The following NEBL variants were observed in gnomAD, a reference collection of about 807,000 sequenced individuals.
NEBL encodes the protein nebulette.
NEBL carries 122 observed loss-of-function variants against 140.2 expected under a neutral mutation model. The observed-to-expected ratio is 0.87, with a 90% CI of 0.75 to 1.01. NEBL has a LOEUF of 1.01. Ranked by LOEUF, NEBL falls within the 50% of genes least tolerant of loss-of-function variation. NEBL has a pLI of 0.00. For synonymous variants in NEBL, 436 were observed against 398.9 expected, an observed-to-expected ratio of 1.09 and a Z score of -1.11; for missense variants, 1,365 against 1,231.3, an observed-to-expected ratio of 1.11 and a Z score of -1.62.
At chr10:21,089,538 G>A (rs1564507297) in intron 2 of NEBL, among the ~76,000 whole-genome samples, 1 of 152,054 alleles carries the variant, frequency 6.6e-6, no homozygotes, top group East Asian at 1.9e-4. Flanking sequence ...GAAGCTGAGG[G>A]CAGAGAGACC....
At chr10:21,239,450 C>G (rs887348930) in intron 3 of NEBL, among the ~76,000 whole-genome samples, 1 of 152,128 alleles carries the variant, frequency 6.6e-6, no homozygotes, top group Admixed American at 6.6e-5. Context: ...TCTGCACCCC[C>G]ACATCCCATT....
intron 24 of NEBL, 44 bp from the exon 25 acceptor site, chr10:20,809,942 T>C: frequency 2.4e-6 from 2 of 824,322 alleles, no homozygotes; most frequent in East Asian, 3.3e-5. Context: ...AGAAGGAATT[T>C]AAAAAAGGAA....
rs537842779 is a variant in NEBL at position 20,805,428 on chromosome 10, T to C, written c.2761+3082A>G. On this transcript the variant is annotated intron_variant, in intron 26 of 27. Coordinates refer to ENST00000377122, the MANE Select transcript of NEBL (RefSeq NM_006393.3). Reference sequence around the variant, plus strand: ...ACTTGTGTTTATGTTATACAACTTATTGGTACATCTTGACTTTTGCTTCAT... The same window carrying C: ...ACTTGTGTTTATGTTATACAACTTACTGGTACATCTTGACTTTTGCTTCAT... Among the ~76,000 whole-genome samples the C allele has an allele frequency of 1.7e-4, 26 of 152,328 alleles. No homozygotes were observed. The East Asian group carries it at 4.8e-3, about 28-fold the overall frequency.
intron 1 of NEBL, among the ~76,000 whole-genome samples, chr10:21,260,147 G>T (rs1052683343): frequency 2.6e-5 from 4 of 152,222 alleles, no homozygotes; most frequent in African/African-American, 9.6e-5. Flanking sequence ...TGAAACTGAA[G>T]CATTCCTTAA....
chr10:21,023,321 C>T (rs1309735146), intron 2 of NEBL, among the ~76,000 whole-genome samples: 1 of 152,058 alleles, frequency 6.6e-6, no homozygotes, highest in African/African-American at 2.4e-5. Context: ...TTGAGAGATC[C>T]CCTTCATACT....
intron 2 of NEBL, among the ~76,000 whole-genome samples, chr10:21,106,909 G>A (rs182543262): frequency 7.9e-5 from 12 of 152,268 alleles, no homozygotes; most frequent in South Asian, 2.1e-4. Flanking sequence ...CACATCCCTT[G>A]TAAGTTAAAT....
Position 21,126,159 on chromosome 10 carries a change from C to T in NEBL, c.164+46224G>A, listed in dbSNP as rs138218835. The stretch of plus-strand genomic sequence containing the variant: ...AAGTGCAGCTGTCCGTTCTTCAAGC[C>T]TGGTACCCCCCATAGAAAGGAAAAA... On this transcript the variant is annotated intron_variant, in intron 2 of 6. Coordinates refer to the NEBL transcript ENST00000417816. 7.5e-4 allele frequency: 1,178 copies of T among 1,580,958 alleles called. 8 individuals are homozygous for T. In the African/African-American group the frequency reaches 0.014, roughly 18 times the overall value.
chr10:21,156,796 A>G (rs1228297792), intron 2 of NEBL, among the ~76,000 whole-genome samples: 2 of 152,228 alleles, frequency 1.3e-5, no homozygotes, highest in Non-Finnish European at 2.9e-5. Context: ...TATAAATCCT[A>G]AATCGTAGGA....
chr10:21,079,716 A>G (rs1211853500), intron 2 of NEBL, among the ~76,000 whole-genome samples: 1 of 152,112 alleles, frequency 6.6e-6, no homozygotes, highest in African/African-American at 2.4e-5. Context: ...ATATTCCTTT[A>G]TTTATTTTTC....
At chr10:21,070,450 G>C (rs1474106047) in intron 2 of NEBL, among the ~76,000 whole-genome samples, 2 of 151,842 alleles carry the variant, frequency 1.3e-5, no homozygotes, top group Admixed American at 6.6e-5. Flanking sequence ...TTTTTCATTT[G>C]TTCCCCAGGA....
At chr10:21,240,273 T>A (rs1842422266) in intron 3 of NEBL, among the ~76,000 whole-genome samples, 2 of 152,218 alleles carry the variant, frequency 1.3e-5, no homozygotes, top group South Asian at 4.1e-4. Flanking sequence ...AATCCCTTTG[T>A]TAGTTTAGGA....
chr10:20,899,255 A>G (rs995512252), upstream of NEBL: 3 of 371,980 alleles, frequency 8.1e-6, no homozygotes, highest in African/African-American at 6.5e-5. Flanking sequence ...CTTGTCTTGC[A>G]AATTTCTAGG....
rs373474665 is a variant in NEBL at position 20,828,512 on chromosome 10, G to C, written c.1776+18C>G. On this transcript the variant is annotated intron_variant, in intron 17 of 27. Coordinates refer to ENST00000377122, the MANE Select transcript of NEBL (RefSeq NM_006393.3). ...AAAATTTCAAGGTGGCAACTTAAAA[G>C]AAGTAATGGCTACTCACCGCACTAA... 6.7e-6 allele frequency: 10 copies of C among 1,503,448 alleles called. No homozygotes were observed. In the African/African-American group the frequency reaches 8.3e-5, roughly 12 times the overall value. 93.1% of individuals were successfully genotyped at this position (1,503,448 alleles called of 1,614,324 possible). A position where few individuals can be genotyped will look rare whatever the true frequency, so the allele number is the denominator to read the frequency against.
At chr10:20,928,594 C>T (rs112934765) in intron 4 of NEBL, among the ~76,000 whole-genome samples, 2,329 of 152,210 alleles carry the variant, frequency 0.015, 57 homozygotes, top group African/African-American at 0.052. Context: ...TCTCACTTTC[C>T]CCTGCCCAAA....
intron 4 of NEBL, among the ~76,000 whole-genome samples, chr10:20,937,553 G>C (rs929303775): frequency 2.0e-5 from 3 of 152,164 alleles, no homozygotes; most frequent in Non-Finnish European, 2.9e-5. Context: ...CCAACTGGGG[G>C]ACTGGGTTCA....
At chr10:20,902,396 G>A (rs1190915160) in intron 4 of NEBL, among the ~76,000 whole-genome samples, 1 of 101,050 alleles carries the variant, frequency 9.9e-6, no homozygotes, top group African/African-American at 3.8e-5. Context: ...ACAGAGCAAA[G>A]ACACTGTCTC....
At chr10:21,107,209 C>G (rs753029598) in intron 2 of NEBL, among the ~76,000 whole-genome samples, 1 of 152,200 alleles carries the variant, frequency 6.6e-6, no homozygotes, top group Non-Finnish European at 1.5e-5. Context: ...ACCAGAATTT[C>G]CAGCACTACG....
At chr10:21,178,656 C>G (rs751627742), upstream of NEBL, among the ~76,000 whole-genome samples, 2 of 152,194 alleles carry the variant, frequency 1.3e-5, no homozygotes, top group Non-Finnish European at 2.9e-5. Context: ...AATTACATCA[C>G]TTCAATGCCC....
rs1224343648 is a variant in NEBL at position 20,888,163 on chromosome 10, A to C, written c.303T>G (p.Leu101=). ...GTIKADLSNS[L]YKRMPATIDS... Reference sequence around the variant, plus strand: ...CAATTGTGGCTGGCATCCGCTTATAAAGAGAATTAGAAAGGTCAGCTTTAA... The same window carrying C: ...CAATTGTGGCTGGCATCCGCTTATACAGAGAATTAGAAAGGTCAGCTTTAA... Residue 101 remains leucine, a synonymous_variant, in exon 4 of 28, where the codon CTT becomes CTG. Coordinates refer to ENST00000377122, the MANE Select transcript of NEBL (RefSeq NM_006393.3). 1 of 1,613,908 alleles carries C rather than the reference A, an allele frequency of 6.2e-7. No homozygotes were observed. Among genetic ancestry groups the C allele is most frequent in the African/African-American group, 1.3e-5 (1 of 74,928 alleles).
Sources: allele counts gnomAD v4.1 joint callset (sites outside exome capture counted in the v4.1 genomes callset), GRCh38; gene constraint gnomAD v4.1.1; transcripts MANE v1.5; gene names NCBI Gene and HGNC (gene_info 2026-07-23, HGNC 2026-07-21).